Variants in PCDH11Y observed in about 807,000 individuals in gnomAD.
PCDH11Y encodes the protein protocadherin-11 Y-linked.
For synonymous variants in PCDH11Y, 9 were observed against 83.6 expected, an observed-to-expected ratio of 0.11 and a Z score of 4.87; for missense variants, 12 against 224.8, an observed-to-expected ratio of 0.05 and a Z score of 6.05.
chrY:5,218,374 T>C, intron 2 of PCDH11Y, among the ~76,000 whole-genome samples: 3 of 32,817 alleles, frequency 9.1e-5, no homozygotes, highest in Admixed American at 2.8e-4. Flanking sequence ...TCCGTTCCCC[T>C]TGGCTGCAGG....
chrY:5,327,086 A>G, intron 2 of PCDH11Y, among the ~76,000 whole-genome samples: 1 of 33,418 alleles, frequency 3.0e-5, no homozygotes, highest in Non-Finnish European at 7.4e-5. Flanking sequence ...TAGGAGAATT[A>G]TGCCGAAATA....
intron 2 of PCDH11Y, among the ~76,000 whole-genome samples, chrY:5,240,062 T>G (rs1602892069): frequency 5.0e-4 from 17 of 34,200 alleles, no homozygotes; most frequent in African/African-American, 1.9e-3. Flanking sequence ...AGTAAGTTCA[T>G]GTAATATTCT....
At chrY:5,208,127 G>A in intron 2 of PCDH11Y, 1 of 142,924 alleles carries the variant, frequency 7.0e-6, no homozygotes, top group East Asian at 1.4e-4. Flanking sequence ...GGGCTGCTGT[G>A]CGGAGGCAGA....
intron 2 of PCDH11Y, among the ~76,000 whole-genome samples, chrY:5,345,495 T>C: frequency 3.0e-5 from 1 of 33,168 alleles, no homozygotes; most frequent in African/African-American, 1.2e-4. Flanking sequence ...ATTATTAAAT[T>C]ATCTGACTAT....
chrY:5,521,605 T>G, intron 3 of PCDH11Y, among the ~76,000 whole-genome samples: 2 of 31,074 alleles, frequency 6.4e-5, no homozygotes, highest in South Asian at 1.5e-3. Flanking sequence ...AATAGTAATT[T>G]CAGCTACAGA....
At chrY:5,030,149 T>G in intron 1 of PCDH11Y, among the ~76,000 whole-genome samples, 1 of 32,630 alleles carries the variant, frequency 3.1e-5, no homozygotes, top group Non-Finnish European at 7.5e-5. Flanking sequence ...ATAATAAAAT[T>G]TAGGTTATCT....
At chrY:5,250,378 CA>C (rs2053002725) in intron 2 of PCDH11Y, among the ~76,000 whole-genome samples, 1 of 32,506 alleles carries the variant, frequency 3.1e-5, no homozygotes, top group East Asian at 8.1e-4. Flanking sequence ...CCAAAATGCC[CA>C]TTGATGATAG....
intron 4 of PCDH11Y, among the ~76,000 whole-genome samples, chrY:5,686,341 C>T: frequency 2.9e-5 from 1 of 34,516 alleles, no homozygotes; most frequent in African/African-American, 1.1e-4. Flanking sequence ...ATTTTTAATT[C>T]TGTGAAGAAT....
At chrY:5,737,235 A>C in intron 4 of PCDH11Y, 37 bp from the exon 6 acceptor site, 1 of 377,172 alleles carries the variant, frequency 2.7e-6, no homozygotes, top group South Asian at 3.2e-5. Context: ...TTGAAATATA[A>C]ATTTTATTAT....
At chrY:5,627,149 T>G in intron 4 of PCDH11Y, among the ~76,000 whole-genome samples, 1 of 30,447 alleles carries the variant, frequency 3.3e-5, no homozygotes, top group Admixed American at 3.0e-4. Context: ...CCCGCCACCA[T>G]ACATGACTAA....
intron 2 of PCDH11Y, among the ~76,000 whole-genome samples, chrY:5,231,880 C>T (rs2124653853): frequency 3.0e-5 from 1 of 33,158 alleles, no homozygotes; most frequent in Admixed American, 2.7e-4. Flanking sequence ...TCTTCCCACT[C>T]TTTCCCCCTC....
intron 2 of PCDH11Y, among the ~76,000 whole-genome samples, chrY:5,309,187 T>A: frequency 3.0e-5 from 1 of 33,778 alleles, no homozygotes; most frequent in African/African-American, 1.2e-4. Context: ...TTTATTACAC[T>A]TCTACAAAAA....
chrY:5,408,368 AT>A (rs2053243156), intron 2 of PCDH11Y, among the ~76,000 whole-genome samples: 1 of 34,007 alleles, frequency 2.9e-5, no homozygotes, highest in Admixed American at 2.7e-4. Flanking sequence ...ACTTTGCAAC[AT>A]TTTTTGAAAT....
intron 4 of PCDH11Y, among the ~76,000 whole-genome samples, chrY:5,654,946 C>T (rs2053534951): frequency 6.0e-5 from 2 of 33,148 alleles, no homozygotes; most frequent in Non-Finnish European, 1.5e-4. Context: ...GATAGGAATA[C>T]GATCCAATAC....
At chrY:5,691,227 A>G in intron 4 of PCDH11Y, among the ~76,000 whole-genome samples, 5 of 33,923 alleles carry the variant, frequency 1.5e-4, no homozygotes, top group African/African-American at 5.7e-4. Flanking sequence ...GATAAAATGT[A>G]GAATGAATTG....
intron 4 of PCDH11Y, among the ~76,000 whole-genome samples, chrY:5,626,311 G>C: frequency 3.2e-5 from 1 of 31,267 alleles, no homozygotes; most frequent in Admixed American, 3.0e-4. Context: ...TTTGAGTCTA[G>C]CTAGTAATCC....
intron 2 of PCDH11Y, among the ~76,000 whole-genome samples, chrY:5,432,754 G>A: frequency 3.0e-5 from 1 of 33,098 alleles, no homozygotes; most frequent in Non-Finnish European, 7.4e-5. Flanking sequence ...CATGGATGTA[G>A]GACAGCACCA....
intron 2 of PCDH11Y, among the ~76,000 whole-genome samples, chrY:5,359,046 C>CAA (rs1292446971): frequency 2.7e-4 from 1 of 3,697 alleles, no homozygotes. Flanking sequence ...ACAAAACAAG[C>CAA]AAAAAAAAAA....
intron 4 of PCDH11Y, among the ~76,000 whole-genome samples, chrY:5,732,119 G>A: frequency 3.2e-5 from 1 of 31,442 alleles, no homozygotes; most frequent in East Asian, 8.5e-4. Context: ...GGACCTTCAG[G>A]CCATTTAAAT....
Sources: allele counts gnomAD v4.1 joint callset (sites outside exome capture counted in the v4.1 genomes callset), GRCh38; gene constraint gnomAD v4.1.1; transcripts MANE v1.5; gene names NCBI Gene and HGNC (gene_info 2026-07-23, HGNC 2026-07-21).